Variants in MRPL37 observed in about 807,000 individuals in gnomAD.
MRPL37 encodes mitochondrial ribosomal protein L37.
Under a neutral mutation model 44.1 loss-of-function variants are expected in MRPL37, and 34 were observed. That is an observed-to-expected ratio of 0.77 (90% CI 0.59 to 1.03). The LOEUF is 1.03. MRPL37 is among the 50% of genes least tolerant of loss of function. The pLI is 0.00. For missense variants in MRPL37, 532 were observed against 543.7 expected, an observed-to-expected ratio of 0.98 and a Z score of 0.21; for synonymous variants, 212 against 219.5, an observed-to-expected ratio of 0.97 and a Z score of 0.30.
downstream of MRPL37, among the ~76,000 whole-genome samples, chr1:54,221,512 CA>C (rs1359124354): frequency 2.0e-5 from 3 of 152,206 alleles, no homozygotes; most frequent in Non-Finnish European, 2.9e-5. Context: ...AAACTGCATC[CA>C]GGGGGGCGTG....
At chr1:54,221,292 G>C (rs559201858), downstream of MRPL37, among the ~76,000 whole-genome samples, 8 of 152,296 alleles carry the variant, frequency 5.3e-5, no homozygotes, top group African/African-American at 1.9e-4. Flanking sequence ...AGCAGGACAG[G>C]ATCCTCTCGG....
intron 1 of MRPL37, among the ~76,000 whole-genome samples, chr1:54,203,467 CT>C (rs780467512): frequency 0.012 from 1,158 of 98,900 alleles, 3 homozygotes; most frequent in African/African-American, 0.038. Context: ...ACTTCATTTA[CT>C]TTTTTTTTTT....
At chr1:54,218,630 C>G (rs753705853), downstream of MRPL37, among the ~76,000 whole-genome samples, 2 of 152,244 alleles carry the variant, frequency 1.3e-5, no homozygotes, top group Non-Finnish European at 2.9e-5. Context: ...CTGATGGTCA[C>G]TAGGTTCTTA....
intron 5 of MRPL37, among the ~76,000 whole-genome samples, chr1:54,214,038 C>G (rs976145938): frequency 6.6e-6 from 1 of 152,184 alleles, no homozygotes; most frequent in Non-Finnish European, 1.5e-5. Flanking sequence ...CAAAGATTAG[C>G]TGGGTGTGGT....
At chr1:54,219,937 C>T (rs916430712), downstream of MRPL37, among the ~76,000 whole-genome samples, 12 of 152,194 alleles carry the variant, frequency 7.9e-5, no homozygotes, top group South Asian at 2.1e-4. Flanking sequence ...GATGGCAGTC[C>T]GGGTTGTTTC....
downstream of MRPL37, among the ~76,000 whole-genome samples, chr1:54,221,674 C>T (rs1016429097): frequency 5.3e-5 from 8 of 151,630 alleles, no homozygotes; most frequent in Non-Finnish European, 1.0e-4. Context: ...GTCACACTCC[C>T]ACCCACACAC....
At chr1:54,224,817 A>T (rs958752032), downstream of MRPL37, among the ~76,000 whole-genome samples, 1 of 152,146 alleles carries the variant, frequency 6.6e-6, no homozygotes, top group African/African-American at 2.4e-5. Flanking sequence ...GCCTCTCTCC[A>T]TATCTTGCCA....
chr1:54,203,049 CTT>C, intron 1 of MRPL37, among the ~76,000 whole-genome samples: 1 of 152,358 alleles, frequency 6.6e-6, no homozygotes, highest in South Asian at 2.1e-4. Context: ...CTAGGGAGGT[CTT>C]TGCCTGGCAC....
intron 5 of MRPL37, among the ~76,000 whole-genome samples, chr1:54,213,324 A>G (rs1644177195): frequency 6.6e-6 from 1 of 152,208 alleles, no homozygotes; most frequent in Admixed American, 6.5e-5. Context: ...GGGACACCAG[A>G]TCCCTGGTTT....
chr1:54,225,370 T>G (rs894491874), downstream of MRPL37: 1 of 1,233,984 alleles, frequency 8.1e-7, no homozygotes, highest in African/African-American at 1.6e-5. Flanking sequence ...AGAAGTCACC[T>G]TGCATTTTGT....
chr1:54,216,298 A>C lies in MRPL37; in HGVS notation c.1148A>C (p.Tyr383Ser). 6.2e-7 allele frequency: 1 copy of C among 1,614,116 alleles called. No individual in the cohort carries two copies. The highest frequency in any genetic ancestry group is 1.1e-5 in the South Asian group (1 of 91,082). Reference sequence around the variant, plus strand: ...TGGGTGGACTCAGACCAGCTCCTCTATCAGCATTTTTGGTGTCTCCCAGTG... The same window carrying C: ...TGGGTGGACTCAGACCAGCTCCTCTCTCAGCATTTTTGGTGTCTCCCAGTG... The part of the protein sequence containing the change: ...LAWVDSDQLL[Y>S]QHFWCLPVIK... Residue 383 changes from tyrosine to serine, a missense_variant, in exon 6 of 7, where the codon TAT becomes TCT. Tyr to Ser is a moderately radical substitution (Grantham distance 144). Coordinates refer to ENST00000360840, the MANE Select transcript of MRPL37 (RefSeq NM_016491.4).
At chr1:54,215,485 G>A (rs113968282) in intron 5 of MRPL37, among the ~76,000 whole-genome samples, 4 of 152,286 alleles carry the variant, frequency 2.6e-5, no homozygotes, top group African/African-American at 7.2e-5. Context: ...AAATCCTGGC[G>A]CTGGCATGGC....
At chr1:54,223,635 T>C (rs1644252522), downstream of MRPL37, among the ~76,000 whole-genome samples, 1 of 152,222 alleles carries the variant, frequency 6.6e-6, no homozygotes, top group Non-Finnish European at 1.5e-5. Flanking sequence ...GTCTCAGGCC[T>C]GGTCCTACCT....
chr1:54,203,901 G>A (rs2100501358), intron 1 of MRPL37, among the ~76,000 whole-genome samples: 1 of 152,256 alleles, frequency 6.6e-6, no homozygotes, highest in Non-Finnish European at 1.5e-5. Context: ...AAGTTTTATT[G>A]GAACAAAACC....
At position 54,200,628 on chromosome 1, in the gene MRPL37, C is replaced by G. The variant is rs1338750017; in HGVS notation, c.346+39C>G. On this transcript the variant is annotated intron_variant, in intron 1 of 6. Transcript: ENST00000360840. ...ACGGGCGGCAAGGGACCGTGTTCCT[C>G]TAACCAGCACCGACCCCGACCCTCT... 4 of 1,541,038 alleles carry G rather than the reference C, an allele frequency of 2.6e-6. No homozygotes were observed. In the South Asian group the frequency reaches 5.0e-5, roughly 19 times the overall value.
downstream of MRPL37, among the ~76,000 whole-genome samples, chr1:54,224,927 C>T (rs909661155): frequency 2.8e-5 from 4 of 140,418 alleles, no homozygotes; most frequent in Non-Finnish European, 6.2e-5. Context: ...TCCCAGTACA[C>T]CTTGGAGGTT....
At chr1:54,221,451 A>G (rs1644232951), downstream of MRPL37, among the ~76,000 whole-genome samples, 2 of 151,848 alleles carry the variant, frequency 1.3e-5, no homozygotes, top group South Asian at 4.2e-4. Context: ...CTGCTGGAAG[A>G]CCCCCGATCC....
In MRPL37 at chr1:54,218,269, C is replaced by G; in HGVS notation, c.*20C>G. On this transcript the variant is annotated 3_prime_UTR_variant, in exon 7 of 7. Coordinates refer to ENST00000360840, the MANE Select transcript of MRPL37 (RefSeq NM_016491.4). ...GCGTGAGCGGAGGACCCCTCTGAAT[C>G]CTGAAACCCCTCTTGCCTCTCTTCC... The G allele has an allele frequency of 6.2e-7, 1 of 1,614,150 alleles. No homozygotes were observed. The highest frequency in any genetic ancestry group is 8.5e-7 in the Non-Finnish European group (1 of 1,180,026).
chr1:54,223,437 C>T (rs575864577), downstream of MRPL37, among the ~76,000 whole-genome samples: 40 of 152,332 alleles, frequency 2.6e-4, no homozygotes, highest in African/African-American at 8.9e-4. Context: ...GAGACTGGGG[C>T]GGGGGATTCC....
Sources: gnomAD v4.1 joint callset for allele counts (sites outside exome capture counted in the v4.1 genomes callset) on GRCh38, gnomAD v4.1.1 for gene constraint, MANE v1.5 for transcripts, NCBI Gene and HGNC (gene_info 2026-07-23, HGNC 2026-07-21) for gene names.